The following LIPN variants were observed in gnomAD, a reference collection of about 807,000 sequenced individuals.
LIPN encodes lipase family member N.
LIPN carries 32 observed loss-of-function variants against 43.7 expected under a neutral mutation model. The ratio of observed to expected loss-of-function variants is 0.73; its 90% CI spans 0.55 to 0.98. LIPN has a LOEUF of 0.98. Ranked by LOEUF, LIPN falls within the 50% of genes least tolerant of loss-of-function variation. The pLI, the probability that LIPN is intolerant of heterozygous loss-of-function variation, is 0.00. For synonymous variants in LIPN, 156 were observed against 157.6 expected (o/e 0.99, Z 0.08); for missense variants, 505 against 483.8 (o/e 1.04, Z -0.41).
In LIPN at chr10:88,764,402, C is replaced by G; in HGVS notation, c.227-8C>G. On this transcript the variant is annotated splice_polypyrimidine_tract_variant and splice_region_variant and intron_variant, in intron 3 of 9. Coordinates refer to ENST00000404459, the MANE Select transcript of LIPN (RefSeq NM_001102469.2). ...CTCCCTCTCTCATCTTACCCTTTCC[C>G]CCACCAGGTCCCCGGCCAGTTGTGT... 1.9e-6 allele frequency: 3 copies of G among 1,604,738 alleles called. No homozygotes were observed. Among genetic ancestry groups the G allele is most frequent in the Non-Finnish European group, 1.7e-6 (2 of 1,174,508 alleles).
At chr10:88,757,319 C>T (rs933816219), upstream of LIPN, among the ~76,000 whole-genome samples, 4 of 152,160 alleles carry the variant, frequency 2.6e-5, no homozygotes, top group African/African-American at 9.7e-5. Context: ...TCTTCATTCT[C>T]ACAAGGATTT....
intron 4 of LIPN, among the ~76,000 whole-genome samples, chr10:88,765,265 C>T (rs1180560740): frequency 1.3e-5 from 2 of 151,978 alleles, no homozygotes; most frequent in East Asian, 3.9e-4. Context: ...AGGCTGATGC[C>T]TGCGATAGAC....
rs939860243 is a variant in LIPN at position 88,779,148 on chromosome 10, T to G, written c.*906T>G. Among the ~76,000 whole-genome samples the G allele has an allele frequency of 6.6e-6, 1 of 152,202 alleles. No individual in the cohort carries two copies. Among genetic ancestry groups the G allele is most frequent in the African/African-American group, 2.4e-5 (1 of 41,452 alleles). ...ATATTTTACCTAATGGAAACCTGAT[T>G]GCCGCATTTTTGTAACCACCACTTT... On this transcript the variant is annotated 3_prime_UTR_variant, in exon 10 of 10. Coordinates refer to ENST00000404459, the MANE Select transcript of LIPN (RefSeq NM_001102469.2).
rs538237719 is a variant in LIPN, at chr10:88,778,245, G to T, written c.*3G>T. Reference sequence around the variant, plus strand: ...CTTTAATGAAGGCATATTCCTAAATGCAATGCATTTACTTTTCAATTAAAA... The same window carrying T: ...CTTTAATGAAGGCATATTCCTAAATTCAATGCATTTACTTTTCAATTAAAA... On this transcript the variant is annotated 3_prime_UTR_variant, in exon 10 of 10. Transcript: ENST00000404459. 44 of 1,592,164 alleles carry T rather than the reference G, an allele frequency of 2.8e-5. No individual in the cohort carries two copies. In the East Asian group the frequency reaches 9.1e-4, roughly 33 times the overall value.
At chr10:88,776,112 C>A (rs1843292220) in intron 9 of LIPN, among the ~76,000 whole-genome samples, 1 of 151,720 alleles carries the variant, frequency 6.6e-6, no homozygotes, top group South Asian at 2.1e-4. Context: ...GTAACCACAC[C>A]ACAATCTAAA....
At chr10:88,767,390 C>G (rs1751943795) in intron 5 of LIPN, among the ~76,000 whole-genome samples, 1 of 151,598 alleles carries the variant, frequency 6.6e-6, no homozygotes, top group Admixed American at 6.6e-5. Flanking sequence ...ATTGAGCATT[C>G]GTTATGTGTA....
chr10:88,762,235 C>T lies in LIPN; in HGVS notation c.156C>T (p.Val52=), dbSNP rs751078842. 3.9e-5 allele frequency: 62 copies of T among 1,609,388 alleles called. No individual in the cohort carries two copies. Among genetic ancestry groups the T allele is most frequent in the Non-Finnish European group, 5.1e-5 (60 of 1,177,758 alleles). Residue 52 remains valine (V), a synonymous_variant, in exon 3 of 10, where the codon GTC becomes GTT. Transcript: ENST00000404459. ...YNGYPSEEYE[V]TTEDGYILLV... is the part of the protein sequence containing the mutation. The stretch of plus-strand genomic sequence containing the variant: ...GCTACCCCAGTGAAGAGTATGAAGT[C>T]ACCACTGAAGATGGGTATATACTCC...
chr10:88,764,640 A>C, intron 4 of LIPN, 32 bp downstream of exon 4: 1 of 1,470,690 alleles, frequency 6.8e-7, no homozygotes, highest in Non-Finnish European at 9.2e-7. Flanking sequence ...TCAAGGGGGA[A>C]ATTGGAGGCA....
At chr10:88,758,496 A>G (rs1420361997), upstream of LIPN, among the ~76,000 whole-genome samples, 1 of 149,996 alleles carries the variant, frequency 6.7e-6, no homozygotes, top group Non-Finnish European at 1.5e-5. Flanking sequence ...AATATATAAT[A>G]GAAATATTGT....
At position 88,769,228 on chromosome 10, in the gene LIPN, G is replaced by GT. The variant is rs200255427; in HGVS notation, c.672+306dup. ...AAGGATTTTTCTTGTTTTCCCAAGT[G>GT]TTTTTTGTTCCATTTAGTCAGGTAG... On this transcript the variant is annotated intron_variant, in intron 6 of 9. Transcript: ENST00000404459. Among the ~76,000 whole-genome samples the GT allele has an allele frequency of 3.5e-3, 535 of 151,784 alleles. 3 individuals carry two copies. Among genetic ancestry groups the GT allele is most frequent in the African/African-American group, 0.012 (511 of 41,440 alleles).
intron 9 of LIPN, among the ~76,000 whole-genome samples, chr10:88,776,068 C>T (rs372733192): frequency 6.6e-6 from 1 of 151,842 alleles, no homozygotes; most frequent in Non-Finnish European, 1.5e-5. Context: ...TTGTGTGTCC[C>T]ATTTAATAAG....
intron 9 of LIPN, among the ~76,000 whole-genome samples, chr10:88,775,455 C>T (rs1204255336): frequency 2.0e-5 from 3 of 151,860 alleles, no homozygotes; most frequent in Admixed American, 2.0e-4. Flanking sequence ...TTTTAGACAA[C>T]TTTTAATCTT....
chr10:88,762,613 T>C (rs1843021435), intron 3 of LIPN, among the ~76,000 whole-genome samples: 1 of 152,050 alleles, frequency 6.6e-6, no homozygotes, highest in South Asian at 2.1e-4. Context: ...GGAAAATTGC[T>C]TTGTCCCAGG....
chr10:88,761,718 G>GCTATCTATCTATCTATCTAT (rs71022539), intron 2 of LIPN, among the ~76,000 whole-genome samples: 2 of 145,754 alleles, frequency 1.4e-5, no homozygotes, highest in South Asian at 2.2e-4. Flanking sequence ...GTGCTATTGT[G>GCTATCTATCTATCTATCTAT]CTATCTATCT....
chr10:88,763,447 A>G (rs1378254512), intron 3 of LIPN, among the ~76,000 whole-genome samples: 1 of 152,082 alleles, frequency 6.6e-6, no homozygotes, highest in East Asian at 1.9e-4. Flanking sequence ...AAAGATTTAG[A>G]ATTAAAGATC....
chr10:88,761,779 TTATC>T (rs10580567), intron 2 of LIPN, among the ~76,000 whole-genome samples: 77,564 of 144,646 alleles, frequency 0.54, 20,686 homozygotes, highest in African/African-American at 0.63. Context: ...ATCTATCTAT[TTATC>T]TATCTATCTA....
At chr10:88,760,614 C>A (rs1842981789) in intron 1 of LIPN, among the ~76,000 whole-genome samples, 1 of 152,066 alleles carries the variant, frequency 6.6e-6, no homozygotes, top group Non-Finnish European at 1.5e-5. Context: ...TTACACTGCA[C>A]TAAATGTTAT....
At chr10:88,777,527 A>C (rs1363213428) in intron 9 of LIPN, among the ~76,000 whole-genome samples, 1 of 151,516 alleles carries the variant, frequency 6.6e-6, no homozygotes, top group East Asian at 1.9e-4. Flanking sequence ...AATATGTCCA[A>C]ATTTCCTAGC....
chr10:88,772,326 G>A (rs962515341), intron 7 of LIPN, among the ~76,000 whole-genome samples: 6 of 151,722 alleles, frequency 4.0e-5, no homozygotes, highest in African/African-American at 1.5e-4. Context: ...CCTCAAATTG[G>A]CCCAGACCAA....
Sources: gnomAD v4.1 joint callset for allele counts (sites outside exome capture counted in the v4.1 genomes callset) on GRCh38, gnomAD v4.1.1 for gene constraint, MANE v1.5 for transcripts, NCBI Gene and HGNC (gene_info 2026-07-23, HGNC 2026-07-21) for gene names.